The following ASIC2 variants were observed in gnomAD, a reference collection of about 807,000 sequenced individuals.
The protein encoded by ASIC2 is acid sensing ion channel subunit 2.
ASIC2 carries 25 observed loss-of-function variants against 57.3 expected under a neutral mutation model. The observed-to-expected ratio is 0.44, with a 90% CI of 0.32 to 0.61. The LOEUF is 0.61. ASIC2 is among the 20% of genes least tolerant of loss of function. ASIC2 has a pLI of 0.06. For synonymous variants in ASIC2, 319 were observed against 307.5 expected (o/e 1.04, Z -0.39); for missense variants, 641 against 738.1 (o/e 0.87, Z 1.52).
intron 1 of ASIC2, among the ~76,000 whole-genome samples, chr17:33,567,914 T>C (rs1567653146): frequency 6.6e-6 from 1 of 152,182 alleles, no homozygotes; most frequent in Non-Finnish European, 1.5e-5. Flanking sequence ...GAAAAGAAGA[T>C]ACTTAGTCCA....
At chr17:33,424,394 T>A (rs530528562) in intron 1 of ASIC2, among the ~76,000 whole-genome samples, 2 of 152,278 alleles carry the variant, frequency 1.3e-5, no homozygotes, top group South Asian at 4.1e-4. Flanking sequence ...GGGTTATAAA[T>A]ATGAAGGGCA....
At chr17:33,444,346 C>A (rs747187836) in intron 1 of ASIC2, among the ~76,000 whole-genome samples, 1 of 152,104 alleles carries the variant, frequency 6.6e-6, no homozygotes, top group Non-Finnish European at 1.5e-5. Context: ...AAAGTCAGGA[C>A]TAGAAATGAT....
intron 2 of ASIC2, among the ~76,000 whole-genome samples, chr17:33,091,708 C>T (rs913684140): frequency 5.3e-5 from 8 of 152,214 alleles, no homozygotes; most frequent in South Asian, 2.1e-4. Context: ...AGAGTAAAAT[C>T]CTAAAGTAGC....
chr17:33,358,959 G>A (rs1908492588), intron 1 of ASIC2, among the ~76,000 whole-genome samples: 1 of 152,346 alleles, frequency 6.6e-6, no homozygotes, highest in South Asian at 2.1e-4. Context: ...GATAAATCAT[G>A]TGGAGAACTT....
intron 1 of ASIC2, among the ~76,000 whole-genome samples, chr17:33,675,252 C>T (rs542292553): frequency 1.6e-4 from 24 of 152,280 alleles, no homozygotes; most frequent in African/African-American, 5.8e-4. Flanking sequence ...TTCCTCTTGT[C>T]TGACACATTG....
At chr17:33,330,383 G>A (rs1378338546) in intron 1 of ASIC2, among the ~76,000 whole-genome samples, 1 of 152,152 alleles carries the variant, frequency 6.6e-6, no homozygotes, top group Non-Finnish European at 1.5e-5. Context: ...GGCTGCTGGG[G>A]ACCAGCATCC....
intron 1 of ASIC2, among the ~76,000 whole-genome samples, chr17:33,300,533 A>G (rs1352801453): frequency 1.3e-5 from 2 of 152,234 alleles, no homozygotes; most frequent in Non-Finnish European, 2.9e-5. Flanking sequence ...TCTCATGTGG[A>G]TAATCTTAAA....
upstream of ASIC2, among the ~76,000 whole-genome samples, chr17:33,294,270 C>T (rs1456440017): frequency 1.3e-5 from 2 of 152,136 alleles, no homozygotes; most frequent in African/African-American, 4.8e-5. Flanking sequence ...TGTGAAGGGA[C>T]TCCAAGGGTG....
intron 1 of ASIC2, among the ~76,000 whole-genome samples, chr17:33,987,525 C>A (rs1597963642): frequency 6.6e-6 from 1 of 152,314 alleles, no homozygotes; most frequent in East Asian, 1.9e-4. Context: ...CATTTGAAAT[C>A]TGGGGAACCT....
At chr17:33,029,783 A>T (rs1050122593) in intron 3 of ASIC2, among the ~76,000 whole-genome samples, 1 of 152,200 alleles carries the variant, frequency 6.6e-6, no homozygotes, top group African/African-American at 2.4e-5. Context: ...CTCTACATCC[A>T]TGCCAAATCT....
intron 1 of ASIC2, among the ~76,000 whole-genome samples, chr17:33,860,335 C>T (rs1914072356): frequency 6.6e-6 from 1 of 152,170 alleles, no homozygotes; most frequent in Non-Finnish European, 1.5e-5. Context: ...GCATTACCTT[C>T]CTTTCTGGGT....
intron 1 of ASIC2, among the ~76,000 whole-genome samples, chr17:33,125,861 C>T (rs2092321175): frequency 6.6e-6 from 1 of 152,222 alleles, no homozygotes. Flanking sequence ...CCTCTTCACA[C>T]CCCTACCTCC....
intron 1 of ASIC2, among the ~76,000 whole-genome samples, chr17:33,587,978 G>C (rs987153569): frequency 6.6e-6 from 1 of 152,168 alleles, no homozygotes; most frequent in Non-Finnish European, 1.5e-5. Context: ...ATTTTCCTAA[G>C]AGGACAGCCT....
chr17:33,221,600 C>T (rs1482308844), intron 1 of ASIC2, among the ~76,000 whole-genome samples: 1 of 152,040 alleles, frequency 6.6e-6, no homozygotes, highest in African/African-American at 2.4e-5. Context: ...AAAGAGGACC[C>T]AATGAAATGA....
chr17:33,429,641 C>T (rs887698580), intron 1 of ASIC2, among the ~76,000 whole-genome samples: 19 of 152,182 alleles, frequency 1.2e-4, no homozygotes, highest in Non-Finnish European at 2.4e-4. Context: ...CTGCCCACCT[C>T]GGCCTCCCAA....
intron 1 of ASIC2, among the ~76,000 whole-genome samples, chr17:33,338,482 G>A (rs1465289027): frequency 1.3e-5 from 2 of 152,156 alleles, no homozygotes; most frequent in East Asian, 3.9e-4. Flanking sequence ...TAAGAAATGA[G>A]GAGAAGGTAA....
chr17:33,670,027 G>C (rs1005339081), intron 1 of ASIC2, among the ~76,000 whole-genome samples: 16 of 152,316 alleles, frequency 1.1e-4, no homozygotes, highest in Admixed American at 7.8e-4. Context: ...ATGAGAATTA[G>C]GTACTCATGC....
chr17:33,338,118 G>T (rs1456763510), intron 1 of ASIC2, among the ~76,000 whole-genome samples: 4 of 151,860 alleles, frequency 2.6e-5, no homozygotes, highest in African/African-American at 9.7e-5. Context: ...AGGTGCTCTG[G>T]AATGGCAAGG....
intron 1 of ASIC2, among the ~76,000 whole-genome samples, chr17:33,906,178 G>A (rs1344027859): frequency 6.6e-6 from 1 of 151,992 alleles, no homozygotes; most frequent in Non-Finnish European, 1.5e-5. Flanking sequence ...CCCTTATTAC[G>A]TGTCTGGTTG....
Sources: gnomAD v4.1 joint callset for allele counts (sites outside exome capture counted in the v4.1 genomes callset) on GRCh38, gnomAD v4.1.1 for gene constraint, MANE v1.5 for transcripts, NCBI Gene and HGNC (gene_info 2026-07-23, HGNC 2026-07-21) for gene names.